The following DSCAM variants were observed in gnomAD, a reference collection of about 807,000 sequenced individuals.
The protein encoded by DSCAM is cell adhesion molecule DSCAM.
In DSCAM, 47 loss-of-function variants were observed where a neutral mutation model predicts 217.7. The ratio of observed to expected loss-of-function variants is 0.22; its 90% CI spans 0.17 to 0.28. The LOEUF is 0.28. DSCAM is among the 10% of genes least tolerant of loss of function. The pLI is 1.00. For missense variants in DSCAM, 2,080 were observed against 2,618.3 expected (o/e 0.79, Z 4.49); for synonymous variants, 1,056 against 1,015.3 (o/e 1.04, Z -0.76).
chr21:40,684,223 A>C (rs2146432210), intron 3 of DSCAM, among the ~76,000 whole-genome samples: 1 of 150,724 alleles, frequency 6.6e-6, no homozygotes, highest in Non-Finnish European at 1.5e-5. Context: ...AGACTCCATC[A>C]AAAAAAAAGA....
At position 40,144,379 on chromosome 21, in the gene DSCAM, G is replaced by T. The variant is rs1568965246; in HGVS notation, c.3259+112C>A. 1 of 1,506,760 alleles carries T rather than the reference G, an allele frequency of 6.6e-7. No individual in the cohort carries two copies. Among genetic ancestry groups the T allele is most frequent in the Non-Finnish European group, 9.0e-7 (1 of 1,114,434 alleles). The allele number at this position is 1,506,760 out of a possible 1,614,324, so 93.3% of individuals were successfully genotyped here. A position where few individuals can be genotyped will look rare whatever the true frequency, so the allele number is the denominator to read the frequency against. On this transcript the variant is annotated intron_variant, in intron 17 of 32. Transcript: ENST00000400454. The surrounding 1 kb of genome is among the most constrained non-coding windows in gnomAD (Gnocchi z 4.8). ...TCCACCCGAGACCCCAGGCCCTGCA[G>T]GTCACTGCAAAGTCGTGGGGCGGGG...
intron 11 of DSCAM, among the ~76,000 whole-genome samples, chr21:40,256,387 GGAGAGAGAGAGACAGACA>G (rs954879108): frequency 1.3e-5 from 2 of 148,930 alleles, no homozygotes; most frequent in Non-Finnish European, 2.9e-5. Flanking sequence ...AGAACCAATA[GGAGAGAGAGAGACAGACA>G]GAGAGAGAGA....
At position 40,533,074 on chromosome 21, in the gene DSCAM, A is replaced by G. The variant is rs117906057; in HGVS notation, c.508+159736T>C. 3.4e-3 allele frequency among the ~76,000 whole-genome samples: 520 copies of G among 152,288 alleles called. 3 individuals carry two copies. Among genetic ancestry groups the G allele is most frequent in the Non-Finnish European group, 6.1e-3 (413 of 68,028 alleles). On this transcript the variant is annotated intron_variant, in intron 3 of 32. Coordinates refer to ENST00000400454, the MANE Select transcript of DSCAM (RefSeq NM_001389.5). ...AATTAACTTTACAAGTTCAATGGAA[A>G]AATGTTTCACTTGCAGTTAGTCAGC... is the stretch of plus-strand genomic sequence containing the variant.
At chr21:40,697,598 C>A (rs906904031) in intron 2 of DSCAM, among the ~76,000 whole-genome samples, 1 of 152,180 alleles carries the variant, frequency 6.6e-6, no homozygotes, top group Non-Finnish European at 1.5e-5. Context: ...CTTGCCCTTT[C>A]CTGAATGTGT....
At chr21:40,163,195 G>A (rs774340323) in intron 16 of DSCAM, among the ~76,000 whole-genome samples, 8 of 151,812 alleles carry the variant, frequency 5.3e-5, no homozygotes, top group Non-Finnish European at 1.2e-4. Flanking sequence ...TAGGAGAGAA[G>A]GTGACAGGCA....
chr21:40,712,210 T>C (rs2090787512), intron 1 of DSCAM, among the ~76,000 whole-genome samples: 1 of 152,158 alleles, frequency 6.6e-6, no homozygotes, highest in Non-Finnish European at 1.5e-5. Context: ...GGGAACCCAT[T>C]GAATCTGGAC....
In DSCAM at chr21:40,699,674, G is replaced by A. The variant is rs561343795; in HGVS notation, c.362-6718C>T. ...AACTAGCCACAACATTGCCTTAAGCGAAAGCCTAAATCAAACTAAGTCCTT... is the reference window on the plus strand; with the variant it reads ...AACTAGCCACAACATTGCCTTAAGCAAAAGCCTAAATCAAACTAAGTCCTT... On this transcript the variant is annotated intron_variant, in intron 2 of 32. Transcript: ENST00000400454. 1.3e-3 allele frequency among the ~76,000 whole-genome samples: 198 copies of A among 152,272 alleles called. 1 individual carries two copies. Among genetic ancestry groups the A allele is most frequent in the Middle Eastern group, 3.4e-3 (1 of 294 alleles).
chr21:40,157,302 T>A (rs942705856), intron 16 of DSCAM, among the ~76,000 whole-genome samples: 1 of 152,090 alleles, frequency 6.6e-6, no homozygotes, highest in Non-Finnish European at 1.5e-5. Flanking sequence ...TCTGGCCCAT[T>A]AGAGAAACAG....
chr21:40,416,505 A>G (rs1449358300), intron 3 of DSCAM, among the ~76,000 whole-genome samples: 1 of 152,206 alleles, frequency 6.6e-6, no homozygotes, highest in Admixed American at 6.5e-5. Flanking sequence ...AAATGTTGTC[A>G]TTTTGCCAAA....
chr21:40,447,748 G>T (rs2075686466), intron 3 of DSCAM, among the ~76,000 whole-genome samples: 1 of 152,164 alleles, frequency 6.6e-6, no homozygotes, highest in African/African-American at 2.4e-5. Flanking sequence ...TTCTGTTGGT[G>T]GTGAATGACA....
chr21:40,783,157 G>A (rs576428585), intron 1 of DSCAM, among the ~76,000 whole-genome samples: 15 of 152,176 alleles, frequency 9.9e-5, no homozygotes, highest in Non-Finnish European at 1.6e-4. Flanking sequence ...ACAACATTCC[G>A]AAGAAGGAGT....
At chr21:40,302,983 A>T (rs1470840676) in intron 9 of DSCAM, among the ~76,000 whole-genome samples, 3 of 152,154 alleles carry the variant, frequency 2.0e-5, no homozygotes, top group African/African-American at 7.2e-5. Context: ...CATGGCTTCT[A>T]AGTTGCTATA....
At position 40,037,698 on chromosome 21, in the gene DSCAM, C is replaced by T. The variant is rs1312370454; in HGVS notation, c.5686+4673G>A. Among the ~76,000 whole-genome samples, 47 of 148,562 alleles carry T rather than the reference C, an allele frequency of 3.2e-4. 1 individual carries two copies. Among genetic ancestry groups the T allele is most frequent in the Middle Eastern group, 6.9e-3 (2 of 288 alleles). Reference sequence around the variant, plus strand: ...GTTCATATGGAACCAAAAAAGAGCCCGCATTGCCAAGGCAATCCTAAGCCA... The same window carrying T: ...GTTCATATGGAACCAAAAAAGAGCCTGCATTGCCAAGGCAATCCTAAGCCA... On this transcript the variant is annotated intron_variant, in intron 32 of 32. Coordinates refer to ENST00000400454, the MANE Select transcript of DSCAM (RefSeq NM_001389.5).
At chr21:40,746,617 G>A (rs940672074) in intron 1 of DSCAM, among the ~76,000 whole-genome samples, 1 of 151,760 alleles carries the variant, frequency 6.6e-6, no homozygotes, top group African/African-American at 2.4e-5. Flanking sequence ...AATACAATAA[G>A]AGTAGGGAAC....
At chr21:40,622,521 CAAAT>C (rs2089535012) in intron 3 of DSCAM, among the ~76,000 whole-genome samples, 1 of 152,112 alleles carries the variant, frequency 6.6e-6, no homozygotes, top group African/African-American at 2.4e-5. Context: ...CTATTACTGA[CAAAT>C]AAATGTTGGT....
At chr21:40,147,662 C>A (rs2090373371) in intron 16 of DSCAM, among the ~76,000 whole-genome samples, 1 of 152,158 alleles carries the variant, frequency 6.6e-6, no homozygotes, top group Admixed American at 6.5e-5. Flanking sequence ...TGATGCATTT[C>A]AGTCTATTTA....
chr21:40,261,092 A>G (rs2073443821), intron 11 of DSCAM, among the ~76,000 whole-genome samples: 1 of 152,226 alleles, frequency 6.6e-6, no homozygotes, highest in Non-Finnish European at 1.5e-5. Flanking sequence ...ACAATGACCA[A>G]ACATCTGTTC....
At chr21:40,549,108 G>A (rs1198058689) in intron 3 of DSCAM, among the ~76,000 whole-genome samples, 1 of 152,158 alleles carries the variant, frequency 6.6e-6, no homozygotes, top group Non-Finnish European at 1.5e-5. Context: ...TGGAGGCTGA[G>A]GCGTGAGGAT....
intron 20 of DSCAM, among the ~76,000 whole-genome samples, chr21:40,109,810 T>C (rs372230045): frequency 6.6e-6 from 1 of 152,306 alleles, no homozygotes; most frequent in Admixed American, 6.5e-5. Flanking sequence ...CCACAGAGCC[T>C]CACTCATTGC....
Sources: allele counts gnomAD v4.1 joint callset (sites outside exome capture counted in the v4.1 genomes callset), GRCh38; gene constraint gnomAD v4.1.1; non-coding constraint Gnocchi (gnomAD v3.1); transcripts MANE v1.5; gene names NCBI Gene and HGNC (gene_info 2026-07-23, HGNC 2026-07-21).